Variants in ESPL1 observed in about 807,000 individuals in gnomAD.
ESPL1 encodes separin.
Under a neutral mutation model 217.2 loss-of-function variants are expected in ESPL1, and 50 were observed. The observed-to-expected ratio is 0.23, with a 90% CI of 0.18 to 0.29. The LOEUF (loss-of-function observed/expected upper bound fraction) is 0.29, where lower values mean the gene tolerates loss of function less well. Ranked by LOEUF, ESPL1 falls within the 10% of genes least tolerant of loss-of-function variation. ESPL1 has a pLI of 1.00. For synonymous variants in ESPL1, 994 were observed against 1,081.3 expected, an observed-to-expected ratio of 0.92 and a Z score of 1.58; for missense variants, 1,834 against 2,603.0, an observed-to-expected ratio of 0.70 and a Z score of 6.43.
chr12:53,273,033 ATTT>A (rs1287601708), intron 6 of ESPL1, among the ~76,000 whole-genome samples, 176 bp downstream of exon 6: 1 of 122,924 alleles, frequency 8.1e-6, no homozygotes. Context: ...CTGTTGACTC[ATTT>A]TTTTTTTTTT....
At position 53,292,049 on chromosome 12, in the gene ESPL1, C is replaced by A. The variant is rs891927876; in HGVS notation, c.5757C>A (p.Pro1919=). Residue 1919 remains proline (P), a synonymous_variant, in exon 27 of 31, where the codon CCC becomes CCA. Transcript: ENST00000257934. The surrounding 1 kb of genome is among the most constrained non-coding windows in gnomAD (Gnocchi z 4.5). Reference sequence around the variant, plus strand: ...AAGCACTGCCTGTCACCCGGCTGCCCTCCTTCCGCTTCCTACTCAGCTACT... The same window carrying A: ...AAGCACTGCCTGTCACCCGGCTGCCATCCTTCCGCTTCCTACTCAGCTACT... ...SLQALPVTRL[P]SFRFLLSYSI... is the part of the protein sequence containing the mutation. The A allele has an allele frequency of 6.2e-7, 1 of 1,614,096 alleles. No homozygotes were observed. Among genetic ancestry groups the A allele is most frequent in the Non-Finnish European group, 8.5e-7 (1 of 1,179,982 alleles).
chr12:53,277,416 G>A, intron 9 of ESPL1, 54 bp from the exon 10 acceptor site: 2 of 1,584,660 alleles, frequency 1.3e-6, no homozygotes, highest in Non-Finnish European at 1.7e-6. Context: ...GAGTAGCCAG[G>A]ACGATAGGCC....
At chr12:53,271,288 C>T (rs1431715404) in intron 5 of ESPL1, among the ~76,000 whole-genome samples, 2 of 150,906 alleles carry the variant, frequency 1.3e-5, no homozygotes, top group African/African-American at 4.9e-5. Context: ...ATCCTCCCAC[C>T]TCAGCCCCGC....
chr12:53,269,102 C>T lies in ESPL1; in HGVS notation c.160C>T (p.Leu54=), dbSNP rs1168863093. 12 of 1,614,048 alleles carry T rather than the reference C, an allele frequency of 7.4e-6. No individual in the cohort carries two copies. Among genetic ancestry groups the T allele is most frequent in the Non-Finnish European group, 1.0e-5 (12 of 1,180,044 alleles). ...AERRQACDAI[L]RACNQQLTAK... is the part of the protein sequence containing the mutation. Reference sequence around the variant, plus strand: ...GAGGAGACAAGCTTGTGATGCCATCCTGAGGGCTTGCAACCAGCAGCTGAC... The same window carrying T: ...GAGGAGACAAGCTTGTGATGCCATCTTGAGGGCTTGCAACCAGCAGCTGAC... Residue 54 remains leucine (L), a synonymous_variant, in exon 3 of 31, where the codon CTG becomes TTG. Transcript: ENST00000257934. The surrounding 1 kb of genome is among the most constrained non-coding windows in gnomAD (Gnocchi z 6.7).
intron 7 of ESPL1, among the ~76,000 whole-genome samples, chr12:53,275,928 G>A (rs939296506): frequency 6.6e-6 from 1 of 152,146 alleles, no homozygotes; most frequent in South Asian, 2.1e-4. Flanking sequence ...ACTTGAGGTG[G>A]GTTATTTAGG....
At chr12:53,274,376 T>C (rs528767089) in intron 6 of ESPL1, 31 of 164,098 alleles carry the variant, frequency 1.9e-4, no homozygotes, top group Non-Finnish European at 3.4e-4. Context: ...GCTGCTATAG[T>C]ATTCTAGGCA....
In ESPL1 at chr12:53,286,825, G is replaced by A. The variant is rs577873912; in HGVS notation, c.4089G>A (p.Thr1363=). The A allele has an allele frequency of 2.5e-6, 4 of 1,614,078 alleles. No individual in the cohort carries two copies. The highest frequency in any genetic ancestry group is 2.2e-5 in the East Asian group (1 of 44,876). The change falls in exon 18 of 31, where the codon ACG becomes ACA. Residue 1363 remains threonine, a synonymous_variant. Coordinates refer to ENST00000257934, the MANE Select transcript of ESPL1 (RefSeq NM_012291.5). The surrounding 1 kb of genome is among the most constrained non-coding windows in gnomAD (Gnocchi z 5.3). The stretch of plus-strand genomic sequence containing the variant: ...AAGCTGGCCCTCATGTCCCCTTCAC[G>A]GTGTTTGAGGAAGTCTGCCCTACAG... ...IRQAGPHVPF[T]VFEEVCPTES...
At chr12:53,268,519 G>A (rs1163665866) in intron 1 of ESPL1, 142 bp downstream of exon 1, 2 of 507,988 alleles carry the variant, frequency 3.9e-6, no homozygotes, top group East Asian at 3.6e-5. Context: ...GAAGGGCTGG[G>A]CCGAGGCCTC....
intron 20 of ESPL1, 165 bp from the exon 21 acceptor site, chr12:53,288,925 A>G: frequency 1.4e-6 from 1 of 710,624 alleles, no homozygotes; most frequent in Non-Finnish European, 2.4e-6. Flanking sequence ...GAATAAGTTG[A>G]TGCCTGTTAG....
At position 53,274,560 on chromosome 12, in the gene ESPL1, A is replaced by C. The variant is rs144183186; in HGVS notation, c.1507-257A>C. On this transcript the variant is annotated intron_variant, in intron 6 of 30. Coordinates refer to ENST00000257934, the MANE Select transcript of ESPL1 (RefSeq NM_012291.5). ...GAGAAGGCAGTGCCATTTGCTGAGA[A>C]GGATTACAGGAGAAGCAGGTTTTCA... The C allele has an allele frequency of 1.9e-3, 720 of 372,416 alleles. 2 individuals are homozygous for C. Among genetic ancestry groups the C allele is most frequent in the Non-Finnish European group, 3.0e-3 (613 of 203,088 alleles). 23.1% of individuals were successfully genotyped at this position (372,416 alleles called of 1,614,324 possible).
chr12:53,288,356 G>C lies in ESPL1; in HGVS notation c.4546+15G>C, dbSNP rs1054696422. 1 of 1,582,720 alleles carries C rather than the reference G, an allele frequency of 6.3e-7. No individual in the cohort carries two copies. Among genetic ancestry groups the C allele is most frequent in the Non-Finnish European group, 8.6e-7 (1 of 1,164,702 alleles). On this transcript the variant is annotated intron_variant, in intron 19 of 30. Coordinates refer to ENST00000257934, the MANE Select transcript of ESPL1 (RefSeq NM_012291.5). ...CTCAGCCTCAGGTAGGACAGCAAGG[G>C]TGAGGTGGAAGGTGCATGTTTTGGG...
Position 53,282,230 on chromosome 12 carries a change from C to G in ESPL1, c.2620-34C>G, listed in dbSNP as rs777134366. ...CTCAAGCTCTGGAGTGCCTGACTGC[C>G]TTACTGCCTCCTCTGGCTCCTTCTC... is the stretch of plus-strand genomic sequence containing the variant. On this transcript the variant is annotated intron_variant, in intron 13 of 30. Coordinates refer to ENST00000257934, the MANE Select transcript of ESPL1 (RefSeq NM_012291.5). The surrounding 1 kb of genome is among the most constrained non-coding windows in gnomAD (Gnocchi z 4.0). 1.2e-6 allele frequency: 2 copies of G among 1,606,708 alleles called. No individual in the cohort carries two copies. Among genetic ancestry groups the G allele is most frequent in the Non-Finnish European group, 1.7e-6 (2 of 1,173,954 alleles).
chr12:53,286,295 G>A lies in ESPL1; in HGVS notation c.3559G>A (p.Val1187Met), dbSNP rs949523670. ...QAQGLDLLQV[V>M]LKGCPEAAER... Reference sequence around the variant, plus strand: ...CCAGGGTCTGGATCTGCTGCAGGTCGTGCTGAAGGGCTGTCCTGAAGCCGC... The same window carrying A: ...CCAGGGTCTGGATCTGCTGCAGGTCATGCTGAAGGGCTGTCCTGAAGCCGC... Residue 1187 changes from valine (V) to methionine (M), a missense_variant, in exon 18 of 31, where the codon GTG becomes ATG. Around this residue, in one of 5 missense-constraint regions of ESPL1, gnomAD observed 681 missense variants for 808.0 expected, o/e 0.84. Coordinates refer to ENST00000257934, the MANE Select transcript of ESPL1 (RefSeq NM_012291.5). This position sits in a 1 kb window ranked among gnomAD's most constrained non-coding sequence, Gnocchi z 5.3. 4 of 1,614,188 alleles carry A rather than the reference G, an allele frequency of 2.5e-6. No individual in the cohort carries two copies. Among genetic ancestry groups the A allele is most frequent in the Admixed American group, 1.7e-5 (1 of 60,034 alleles).
chr12:53,283,643 C>A, intron 16 of ESPL1, 105 bp downstream of exon 16: 1 of 1,167,078 alleles, frequency 8.6e-7, no homozygotes, highest in Non-Finnish European at 1.2e-6. Context: ...TGTTTAGATA[C>A]ATTCGTGGAA....
chr12:53,292,399 G>C lies in ESPL1; in HGVS notation c.5912+6G>C. Reference sequence around the variant, plus strand: ...TTTCGAGCCAATTTCAGCAGGTCAGGGGCGCGAAGACAAGAAGACGTGTGG... The same window carrying C: ...TTTCGAGCCAATTTCAGCAGGTCAGCGGCGCGAAGACAAGAAGACGTGTGG... On this transcript the variant is annotated splice_donor_region_variant and intron_variant, in intron 28 of 30. Coordinates refer to ENST00000257934, the MANE Select transcript of ESPL1 (RefSeq NM_012291.5). The surrounding 1 kb of genome is among the most constrained non-coding windows in gnomAD (Gnocchi z 4.5). 2 of 1,601,468 alleles carry C rather than the reference G, an allele frequency of 1.2e-6. No individual in the cohort carries two copies. Among genetic ancestry groups the C allele is most frequent in the Non-Finnish European group, 1.7e-6 (2 of 1,168,446 alleles).
In ESPL1 at chr12:53,269,488, T is replaced by C. The variant is rs1943628970; in HGVS notation, c.546T>C (p.Ser182=). The C allele has an allele frequency of 6.2e-7, 1 of 1,614,104 alleles. No individual in the cohort carries two copies. The change falls in exon 3 of 31, where the codon AGT becomes AGC. Residue 182 remains serine (S), a synonymous_variant. Transcript: ENST00000257934. The surrounding 1 kb of genome is among the most constrained non-coding windows in gnomAD (Gnocchi z 6.7). ...TCCTAGTACTCTTGGAGGATGAAAG[T>C]ACCCCTTGTGAGGTTCCTCACTTTG... is the stretch of plus-strand genomic sequence containing the variant. ...LSFLVLLEDE[S]TPCEVPHFAS... is the part of the protein sequence containing the mutation.
chr12:53,275,870 C>T lies in ESPL1; in HGVS notation c.1701-750C>T, dbSNP rs77770016. Among the ~76,000 whole-genome samples, 797 of 152,020 alleles carry T rather than the reference C, an allele frequency of 5.2e-3. 15 individuals carry two copies. The highest frequency in any genetic ancestry group is 0.017 in the African/African-American group (722 of 41,442). Reference sequence around the variant, plus strand: ...CATGAGCCAGTGCGCCCAGCCTTCACGTATGCTCTATGAAGACAATTAAAC... The same window carrying T: ...CATGAGCCAGTGCGCCCAGCCTTCATGTATGCTCTATGAAGACAATTAAAC... On this transcript the variant is annotated intron_variant, in intron 7 of 30. Coordinates refer to ENST00000257934, the MANE Select transcript of ESPL1 (RefSeq NM_012291.5).
At position 53,283,166 on chromosome 12, in the gene ESPL1, T is replaced by G; in HGVS notation, c.2829T>G (p.His943Gln). ...CTGAGATAGCTCTCATAGACTCCCATAAGCTCCTCCGAAGCATCATCCTCC... is the reference window on the plus strand; with the variant it reads ...CTGAGATAGCTCTCATAGACTCCCAGAAGCTCCTCCGAAGCATCATCCTCC... ...QTPEIALIDS[H>Q]KLLRSIILLL... Residue 943 changes from histidine to glutamine, a missense_variant, in exon 15 of 31, where the codon CAT becomes CAG. Transcript: ENST00000257934. The G allele has an allele frequency of 6.2e-7, 1 of 1,614,230 alleles. No individual in the cohort carries two copies. The highest frequency in any genetic ancestry group is 1.1e-5 in the South Asian group (1 of 91,086).
At chr12:53,284,020 G>T (rs747429224) in intron 16 of ESPL1, 38 bp from the exon 17 acceptor site, 1 of 1,420,102 alleles carries the variant, frequency 7.0e-7, no homozygotes, top group South Asian at 1.1e-5. Context: ...GAAAACAAAG[G>T]ATTCCTCTGA....
Sources: gnomAD v4.1 joint callset for allele counts (sites outside exome capture counted in the v4.1 genomes callset) on GRCh38, gnomAD v4.1.1 for gene constraint, gnomAD v4.1.1 regional missense constraint, Gnocchi (gnomAD v3.1) non-coding constraint, MANE v1.5 for transcripts, NCBI Gene and HGNC (gene_info 2026-07-23, HGNC 2026-07-21) for gene names.